CIROZ: variants seen among roughly 807,000 people sequenced by gnomAD.
CIROZ encodes the protein ciliated left-right organizer ZP-N domains-containing protein.
chr1:10,955,108 A>G, the CIROZ span: 274,295 of 1,613,528 alleles, frequency 0.17, 28,088 homozygotes, highest in South Asian at 0.38. Context: ...GGTTTCCTCA[A>G]TGTAGGAACC....
At chr1:10,955,838 C>T in the CIROZ span, among the ~76,000 whole-genome samples, 1 of 133,346 alleles carries the variant, frequency 7.5e-6, no homozygotes, top group Non-Finnish European at 1.5e-5. Flanking sequence ...GAGTGAAACT[C>T]CATCTCAAAA....
the CIROZ span, among the ~76,000 whole-genome samples, chr1:10,977,513 ATCTGT>A: frequency 6.6e-5 from 10 of 152,286 alleles, no homozygotes; most frequent in South Asian, 1.7e-3. Context: ...AAAATGATGA[ATCTGT>A]ATTAAAGATT....
At chr1:10,975,822 T>C in the CIROZ span, among the ~76,000 whole-genome samples, 1 of 152,050 alleles carries the variant, frequency 6.6e-6, no homozygotes, top group Non-Finnish European at 1.5e-5. Context: ...TCTAAAAGTC[T>C]TGTTAGAATG....
chr1:10,977,607 T>C, the CIROZ span, among the ~76,000 whole-genome samples: 7 of 152,318 alleles, frequency 4.6e-5, no homozygotes, highest in African/African-American at 1.4e-4. Flanking sequence ...GATACATTTC[T>C]AGATCAGGAT....
At chr1:10,951,132 G>A in the CIROZ span, among the ~76,000 whole-genome samples, 3 of 152,190 alleles carry the variant, frequency 2.0e-5, no homozygotes, top group Non-Finnish European at 2.9e-5. Context: ...CAGTGAACCC[G>A]ACTTTAAAAT....
At chr1:10,951,669 G>A in the CIROZ span, among the ~76,000 whole-genome samples, 1 of 148,374 alleles carries the variant, frequency 6.7e-6, no homozygotes, top group East Asian at 2.0e-4. Context: ...ATGTTATAAT[G>A]AGCTATGATT....
chr1:10,948,551 A>G, the CIROZ span: 3 of 1,613,958 alleles, frequency 1.9e-6, no homozygotes, highest in Non-Finnish European at 2.5e-6. Flanking sequence ...GAAGTGATTC[A>G]GGTCGTTCAG....
At chr1:10,971,494 A>G in the CIROZ span, among the ~76,000 whole-genome samples, 1 of 151,934 alleles carries the variant, frequency 6.6e-6, no homozygotes. Context: ...GCCTCTGCAC[A>G]TACTGTTCCC....
the CIROZ span, among the ~76,000 whole-genome samples, chr1:10,981,314 G>C: frequency 1.3e-5 from 2 of 152,102 alleles, no homozygotes; most frequent in East Asian, 3.9e-4. Context: ...CCAAAGTGTG[G>C]TGGCACATGC....
the CIROZ span, among the ~76,000 whole-genome samples, chr1:10,961,929 A>C: frequency 6.6e-6 from 1 of 152,222 alleles, no homozygotes; most frequent in African/African-American, 2.4e-5. Flanking sequence ...CCTAGGCAAC[A>C]GAGCGAGACT....
the CIROZ span, chr1:10,955,182 T>G: frequency 6.2e-7 from 1 of 1,602,050 alleles, no homozygotes; most frequent in Non-Finnish European, 8.5e-7. Flanking sequence ...CTGGCTGGAA[T>G]GACACTGGAA....
chr1:10,950,552 G>A, the CIROZ span, among the ~76,000 whole-genome samples: 2 of 152,178 alleles, frequency 1.3e-5, no homozygotes, highest in Non-Finnish European at 2.9e-5. Flanking sequence ...GGCAGCGTAG[G>A]CATTCCAGGC....
At chr1:10,969,193 ATC>A in the CIROZ span, among the ~76,000 whole-genome samples, 93 of 151,838 alleles carry the variant, frequency 6.1e-4, 1 homozygote, top group Non-Finnish European at 9.4e-4. Flanking sequence ...CCTCCTCAAT[ATC>A]TCTTTTTCTG....
the CIROZ span, among the ~76,000 whole-genome samples, chr1:10,964,644 T>C: frequency 6.6e-6 from 1 of 152,244 alleles, no homozygotes; most frequent in Non-Finnish European, 1.5e-5. Flanking sequence ...CTATTTTTTG[T>C]TGTTGAGACA....
At chr1:10,967,173 AC>A in the CIROZ span, among the ~76,000 whole-genome samples, 20 of 119,602 alleles carry the variant, frequency 1.7e-4, 1 homozygote, top group South Asian at 3.5e-3. Context: ...AAAAAAAAAA[AC>A]TCCATTGCTT....
At chr1:10,974,178 C>G in the CIROZ span, among the ~76,000 whole-genome samples, 1 of 152,090 alleles carries the variant, frequency 6.6e-6, no homozygotes, top group Non-Finnish European at 1.5e-5. The surrounding 1 kb of genome is among the most constrained non-coding windows in gnomAD (Gnocchi z 4.4). Flanking sequence ...GGCTGCCAGT[C>G]CCCTGGACTG....
the CIROZ span, among the ~76,000 whole-genome samples, chr1:10,962,167 C>A: frequency 1.3e-5 from 2 of 151,982 alleles, no homozygotes; most frequent in African/African-American, 4.8e-5. Context: ...GTGACTTGAC[C>A]GGGCGTGGTG....
At chr1:10,957,530 C>A in the CIROZ span, 1 of 1,548,214 alleles carries the variant, frequency 6.5e-7, no homozygotes, top group Non-Finnish European at 8.7e-7. Context: ...TTTGACTTGT[C>A]ACTGGAGGGG....
At chr1:10,973,326 T>A in the CIROZ span, among the ~76,000 whole-genome samples, 1 of 152,034 alleles carries the variant, frequency 6.6e-6, no homozygotes, top group Non-Finnish European at 1.5e-5. Context: ...TGGGCAGAGA[T>A]CATACCACTG....
Sources: allele counts gnomAD v4.1 joint callset (sites outside exome capture counted in the v4.1 genomes callset), GRCh38; gene constraint gnomAD v4.1.1; non-coding constraint Gnocchi (gnomAD v3.1); transcripts MANE v1.5; gene names NCBI Gene and HGNC (gene_info 2026-07-23, HGNC 2026-07-21).